PTPRB: variants seen among roughly 807,000 people sequenced by gnomAD.
PTPRB encodes protein tyrosine phosphatase receptor type B.
In PTPRB, 97 loss-of-function variants were observed where a neutral mutation model predicts 238.1. That is an observed-to-expected ratio of 0.41 (90% CI 0.35 to 0.48). The LOEUF (loss-of-function observed/expected upper bound fraction) is 0.48, where lower values mean the gene tolerates loss of function less well. Among genes scored for constraint, PTPRB ranks in the 20% least tolerant of loss-of-function variants. The pLI, the probability that PTPRB is intolerant of heterozygous loss-of-function variation, is 0.30. For missense variants in PTPRB, 2,292 were observed against 2,681.9 expected, an observed-to-expected ratio of 0.85 and a Z score of 3.21; for synonymous variants, 970 against 995.4, an observed-to-expected ratio of 0.97 and a Z score of 0.48.
intron 7 of PTPRB, chr12:70,592,076 AAAC>A: frequency 1.6e-6 from 1 of 642,022 alleles, no homozygotes; most frequent in Non-Finnish European, 2.6e-6. Context: ...CATAAGACAG[AAAC>A]AACATGCAGA....
Position 70,535,039 on chromosome 12 carries a change from C to T in PTPRB, c.6082-84G>A. ...GGGGTTTCCCTCCTCTAAATGTCTT[C>T]CAAAGTTAGGAATCTGGGATCAGCT... On this transcript the variant is annotated intron_variant, in intron 29 of 33. Transcript: ENST00000334414. 4.8e-6 allele frequency: 7 copies of T among 1,463,374 alleles called. No homozygotes were observed. In the South Asian group the frequency reaches 9.3e-5, roughly 20 times the overall value. The allele number at this position is 1,463,374 out of a possible 1,614,324, so 90.6% of individuals were successfully genotyped here. A position where few individuals can be genotyped will look rare whatever the true frequency, so the allele number is the denominator to read the frequency against.
chr12:70,584,259 G>C (rs972702634), intron 9 of PTPRB, among the ~76,000 whole-genome samples: 6 of 152,252 alleles, frequency 3.9e-5, no homozygotes, highest in African/African-American at 1.4e-4. Flanking sequence ...TGGAAAATAT[G>C]AAATATATTG....
chr12:70,601,541 G>T (rs571985977), intron 4 of PTPRB, among the ~76,000 whole-genome samples: 2 of 152,148 alleles, frequency 1.3e-5, no homozygotes, highest in Admixed American at 6.5e-5. Context: ...AACAAGCAGA[G>T]TGGTGAGGAG....
At chr12:70,627,495 T>G (rs979919209) in intron 2 of PTPRB, among the ~76,000 whole-genome samples, 1 of 152,062 alleles carries the variant, frequency 6.6e-6, no homozygotes, top group African/African-American at 2.4e-5. Flanking sequence ...AAAATGACAA[T>G]TTTAGGCTAC....
chr12:70,599,163 T>G (rs920149587), intron 4 of PTPRB, among the ~76,000 whole-genome samples: 4 of 152,208 alleles, frequency 2.6e-5, no homozygotes, highest in African/African-American at 9.7e-5. Flanking sequence ...AAAATTTTAT[T>G]AGATACTTCT....
intron 28 of PTPRB, 98 bp from the exon 29 acceptor site, chr12:70,536,257 C>G: frequency 7.3e-7 from 1 of 1,364,602 alleles, no homozygotes; most frequent in African/African-American, 1.5e-5. Flanking sequence ...AGGTCTCTGC[C>G]AAGTCTCTGA....
chr12:70,532,854 C>T (rs1873501944), intron 31 of PTPRB, among the ~76,000 whole-genome samples: 1 of 152,082 alleles, frequency 6.6e-6, no homozygotes, highest in African/African-American at 2.4e-5. Context: ...AATAGTTGCC[C>T]AGCTTGGTCT....
chr12:70,593,251 G>T (rs1429238617), intron 6 of PTPRB, among the ~76,000 whole-genome samples: 1 of 152,146 alleles, frequency 6.6e-6, no homozygotes, highest in African/African-American at 2.4e-5. Flanking sequence ...AGTGGCTCAT[G>T]CCTGTAATCC....
At position 70,522,863 on chromosome 12, in the gene PTPRB, C is replaced by CTTTTTTTTTTTTTTTTTTTTT. The variant is rs35913444; in HGVS notation, c.6626-1353_6626-1352insAAAAAAAAAAAAAAAAAAAAA. ...AATAGCATTCTTTTGTTTGTTTTTT[C>CTTTTTTTTTTTTTTTTTTTTT]TTTTTTTTTTTTTTTTTGAGATGGA... On this transcript the variant is annotated intron_variant, in intron 33 of 33. Coordinates refer to ENST00000334414, the MANE Select transcript of PTPRB (RefSeq NM_001109754.4). 3.4e-5 allele frequency among the ~76,000 whole-genome samples: 4 copies of CTTTTTTTTTTTTTTTTTTTTT among 118,246 alleles called. 1 individual carries two copies. The highest frequency in any genetic ancestry group is 9.6e-5 in the Admixed American group (1 of 10,372). The allele number at this position is 118,246 out of a possible 152,430, so 77.6% of individuals were successfully genotyped here.
intron 7 of PTPRB, chr12:70,592,031 C>T (rs1882538661): frequency 1.8e-6 from 1 of 546,040 alleles, no homozygotes; most frequent in South Asian, 2.3e-5. Context: ...AATGCTAATG[C>T]ATTTATGCTA....
chr12:70,523,135 T>C (rs1871862794), intron 33 of PTPRB, among the ~76,000 whole-genome samples: 1 of 152,128 alleles, frequency 6.6e-6, no homozygotes, highest in Admixed American at 6.5e-5. Flanking sequence ...GTGCTGGGAT[T>C]ACAGTCTTGA....
Position 70,635,900 on chromosome 12 carries a change from A to G in PTPRB, c.222T>C (p.Ser74=), listed in dbSNP as rs74101511. 0.045 allele frequency: 71,973 copies of G among 1,613,736 alleles called. 1,771 individuals are homozygous for G. The highest frequency in any genetic ancestry group is 0.053 in the African/African-American group (3,958 of 75,018). The part of the protein sequence containing the change: ...KSALCLAISN[S]SRGPSRSAIL... The stretch of plus-strand genomic sequence containing the variant: ...TGGCTGAGCGGGAGGGGCCGCGGGA[A>G]GAGTTGGAGATGGCCAAGCACAGTG... Residue 74 remains serine, a synonymous_variant, in exon 2 of 34, where the codon TCT becomes TCC. Coordinates refer to ENST00000334414, the MANE Select transcript of PTPRB (RefSeq NM_001109754.4).
At chr12:70,595,612 A>G (rs947214557) in intron 5 of PTPRB, among the ~76,000 whole-genome samples, 2 of 152,210 alleles carry the variant, frequency 1.3e-5, no homozygotes, top group African/African-American at 4.8e-5. Context: ...CATTGGAGAA[A>G]CAAAGACTTG....
At chr12:70,593,012 T>A (rs56305736) in intron 6 of PTPRB, among the ~76,000 whole-genome samples, 16,306 of 152,296 alleles carry the variant, frequency 0.11, 1,002 homozygotes, top group Non-Finnish European at 0.13. Context: ...CTTTATATAT[T>A]AATATTCAAT....
intron 4 of PTPRB, among the ~76,000 whole-genome samples, chr12:70,604,742 G>A (rs1592578099): frequency 6.6e-6 from 1 of 152,162 alleles, no homozygotes; most frequent in Non-Finnish European, 1.5e-5. Flanking sequence ...ATTAGAGCGG[G>A]CCCTAAGCCA....
At position 70,635,841 on chromosome 12, in the gene PTPRB, G is replaced by T. The variant is rs760830856; in HGVS notation, c.281C>A (p.Thr94Asn). Residue 94 changes from threonine to asparagine, a missense_variant, in exon 2 of 34, where the codon ACC becomes AAC. Transcript: ENST00000334414. Reference sequence around the variant, plus strand: ...AAGGAAGCCTTCCTGATCATAGCAGGTCCATCGGGGTGCCTGGGAACAGCG... The same window carrying T: ...AAGGAAGCCTTCCTGATCATAGCAGTTCCATCGGGGTGCCTGGGAACAGCG... ...LDRCSQAPRW[T>N]CYDQEGFLEV... 1.2e-5 allele frequency: 19 copies of T among 1,613,446 alleles called. No individual in the cohort carries two copies. The highest frequency in any genetic ancestry group is 1.4e-5 in the Non-Finnish European group (16 of 1,179,756).
chr12:70,521,656 G>T (rs1871672595), intron 33 of PTPRB, 145 bp from the exon 34 acceptor site: 1 of 592,642 alleles, frequency 1.7e-6, no homozygotes, highest in Admixed American at 3.8e-5. Flanking sequence ...ATTGGGACCA[G>T]GTAATTCCAT....
At chr12:70,535,885 G>C (rs1874052042) in intron 29 of PTPRB, 140 bp downstream of exon 29, 1 of 1,012,410 alleles carries the variant, frequency 9.9e-7, no homozygotes, top group Admixed American at 2.6e-5. Context: ...AGAGTCTTTT[G>C]AACAGAGTGG....
At position 70,590,940 on chromosome 12, in the gene PTPRB, G is replaced by GTTTTTT. The variant is rs35496972; in HGVS notation, c.1781-713_1781-708dup. 1.5e-3 allele frequency among the ~76,000 whole-genome samples: 152 copies of GTTTTTT among 102,842 alleles called. 1 individual carries two copies. The highest frequency in any genetic ancestry group is 2.0e-3 in the Non-Finnish European group (107 of 52,668). 67.5% of individuals were successfully genotyped at this position (102,842 alleles called of 152,430 possible). A position where few individuals can be genotyped will look rare whatever the true frequency, so the allele number is the denominator to read the frequency against. On this transcript the variant is annotated intron_variant, in intron 7 of 33. Coordinates refer to ENST00000334414, the MANE Select transcript of PTPRB (RefSeq NM_001109754.4). ...TAAAGATCATTTCTATTTCCTCCAA[G>GTTTTTT]TTTTTTTTTTTTTTTTTTTTTGAGA...
Sources: gnomAD v4.1 joint callset for allele counts (sites outside exome capture counted in the v4.1 genomes callset) on GRCh38, gnomAD v4.1.1 for gene constraint, MANE v1.5 for transcripts, NCBI Gene and HGNC (gene_info 2026-07-23, HGNC 2026-07-21) for gene names.